DPP6: variants seen among roughly 807,000 people sequenced by gnomAD.
The protein encoded by DPP6 is dipeptidyl peptidase like 6.
DPP6 carries 69 observed loss-of-function variants against 122.6 expected under a neutral mutation model. The observed-to-expected ratio is 0.56, with a 90% CI of 0.46 to 0.69. The LOEUF (loss-of-function observed/expected upper bound fraction) is 0.69, where lower values mean the gene tolerates loss of function less well. Among genes scored for constraint, DPP6 ranks in the 30% least tolerant of loss-of-function variants. The probability of loss-of-function intolerance (pLI) is 0.00; values close to 1 mark genes in which losing one functional copy is unlikely to be tolerated. For synonymous variants in DPP6, 418 were observed against 433.1 expected (o/e 0.97, Z 0.43); for missense variants, 928 against 1,116.9 (o/e 0.83, Z 2.41).
At chr7:153,884,995 T>A (rs796603471), upstream of DPP6, among the ~76,000 whole-genome samples, 1 of 134,452 alleles carries the variant, frequency 7.4e-6, no homozygotes, top group African/African-American at 2.8e-5. Context: ...AAAATATATA[T>A]ATATATATAT....
At chr7:154,224,608 G>A (rs956657462) in intron 1 of DPP6, among the ~76,000 whole-genome samples, 10 of 149,170 alleles carry the variant, frequency 6.7e-5, no homozygotes, top group African/African-American at 2.6e-4. Flanking sequence ...AATACCATAT[G>A]TGGTGAACAT....
chr7:154,693,664 G>T (rs1010702246), intron 7 of DPP6, among the ~76,000 whole-genome samples: 1 of 152,130 alleles, frequency 6.6e-6, no homozygotes, highest in Non-Finnish European at 1.5e-5. Flanking sequence ...TCCTGAGGGG[G>T]TTCTGGCCAC....
chr7:153,817,041 A>G, the DPP6 span, among the ~76,000 whole-genome samples: 2 of 149,884 alleles, frequency 1.3e-5, no homozygotes, highest in African/African-American at 2.5e-5. Context: ...CCAGGGGTTC[A>G]GTCTAGCTTC....
intron 17 of DPP6, among the ~76,000 whole-genome samples, chr7:154,856,428 T>A (rs1020874737): frequency 1.3e-5 from 2 of 152,200 alleles, no homozygotes; most frequent in African/African-American, 4.8e-5. Context: ...CCGGCCTGTA[T>A]CTTAGGTGTG....
chr7:153,949,414 A>G (rs368821070), intron 1 of DPP6, among the ~76,000 whole-genome samples: 10 of 152,260 alleles, frequency 6.6e-5, no homozygotes, highest in Admixed American at 2.6e-4. Context: ...TTATGACTCA[A>G]TCAAGGGCTT....
intron 6 of DPP6, among the ~76,000 whole-genome samples, chr7:154,639,284 C>T (rs1835915149): frequency 6.6e-6 from 1 of 152,126 alleles, no homozygotes; most frequent in Non-Finnish European, 1.5e-5. Context: ...GCAAAGATGG[C>T]CCAAGTTGCA....
intron 1 of DPP6, among the ~76,000 whole-genome samples, chr7:154,155,513 G>T (rs761744448): frequency 6.6e-6 from 1 of 152,188 alleles, no homozygotes; most frequent in Non-Finnish European, 1.5e-5. Flanking sequence ...CTACACTCCA[G>T]TTCTGGGAGT....
intron 8 of DPP6, among the ~76,000 whole-genome samples, chr7:154,767,924 G>A (rs1053467303): frequency 1.4e-4 from 22 of 152,204 alleles, no homozygotes; most frequent in Admixed American, 5.2e-4. Context: ...AAGGCAAGAT[G>A]AGGAAGACTC....
At chr7:154,312,945 T>G (rs747056942) in intron 1 of DPP6, among the ~76,000 whole-genome samples, 19 of 152,242 alleles carry the variant, frequency 1.2e-4, no homozygotes, top group Non-Finnish European at 1.8e-4. Flanking sequence ...TGAAAATAAG[T>G]TATTTCTTTA....
chr7:154,514,518 G>A, intron 3 of DPP6, among the ~76,000 whole-genome samples: 1 of 151,860 alleles, frequency 6.6e-6, no homozygotes, highest in East Asian at 1.9e-4. Flanking sequence ...TTTCCAAACT[G>A]AAACTCTGTC....
intron 1 of DPP6, among the ~76,000 whole-genome samples, chr7:154,000,185 C>G (rs145939359): frequency 0.036 from 5,548 of 152,292 alleles, 151 homozygotes; most frequent in South Asian, 0.068. Flanking sequence ...TGGAAAATTA[C>G]TAAAGAAACT....
intron 1 of DPP6, among the ~76,000 whole-genome samples, chr7:154,436,307 T>C (rs893884118): frequency 6.6e-6 from 1 of 151,638 alleles, no homozygotes; most frequent in African/African-American, 2.4e-5. Flanking sequence ...ATGGGAAACC[T>C]GCCCCAGCTG....
chr7:154,528,286 A>G (rs1171202472), intron 3 of DPP6, among the ~76,000 whole-genome samples: 1 of 152,200 alleles, frequency 6.6e-6, no homozygotes, highest in East Asian at 1.9e-4. Flanking sequence ...ATAGCGTTAA[A>G]ATGCACTCTA....
chr7:153,918,584 C>CAG (rs1198994096), intron 1 of DPP6, among the ~76,000 whole-genome samples: 33 of 39,212 alleles, frequency 8.4e-4, no homozygotes, highest in African/African-American at 1.4e-3. Context: ...CTCTCTCTCT[C>CAG]TCTCTCTCTC....
chr7:154,344,015 C>A (rs1245388560), intron 1 of DPP6, among the ~76,000 whole-genome samples: 1 of 152,022 alleles, frequency 6.6e-6, no homozygotes, highest in Non-Finnish European at 1.5e-5. Flanking sequence ...CGTGCCCCAC[C>A]CTCTGCTTCA....
intron 1 of DPP6, among the ~76,000 whole-genome samples, chr7:154,023,427 A>G (rs1798814930): frequency 6.6e-6 from 1 of 151,654 alleles, no homozygotes; most frequent in Non-Finnish European, 1.5e-5. Context: ...CAGCATCACG[A>G]AAGCCTACAG....
chr7:154,551,780 A>G (rs569114003), intron 4 of DPP6, among the ~76,000 whole-genome samples: 19 of 151,702 alleles, frequency 1.3e-4, no homozygotes, highest in Middle Eastern at 6.8e-3. Flanking sequence ...TAAGAAATGT[A>G]TGGGAGCTGA....
chr7:154,593,347 GA>G (rs1278463192), intron 5 of DPP6, among the ~76,000 whole-genome samples: 2 of 152,170 alleles, frequency 1.3e-5, no homozygotes. Context: ...CTGAGAGCAG[GA>G]AAGCTACCTT....
chr7:154,844,972 T>G (rs1213221374), intron 16 of DPP6, among the ~76,000 whole-genome samples: 2 of 152,154 alleles, frequency 1.3e-5, no homozygotes, highest in Non-Finnish European at 2.9e-5. Flanking sequence ...TGGAACTTAG[T>G]GAAAAGGGCA....
Sources: gnomAD v4.1 joint callset for allele counts (sites outside exome capture counted in the v4.1 genomes callset) on GRCh38, gnomAD v4.1.1 for gene constraint, MANE v1.5 for transcripts, NCBI Gene and HGNC (gene_info 2026-07-23, HGNC 2026-07-21) for gene names.